Variants in CNTNAP5 observed in about 807,000 individuals in gnomAD.
CNTNAP5 encodes contactin associated protein family member 5, also known as contactin-associated protein-like 5.
A neutral mutation model predicts 150.2 loss-of-function variants in CNTNAP5; 72 were observed. That is an observed-to-expected ratio of 0.48 (90% confidence interval 0.40 to 0.58). CNTNAP5 has a LOEUF of 0.58. Ranked by LOEUF, CNTNAP5 falls within the 20% of genes least tolerant of loss-of-function variation. The probability of loss-of-function intolerance (pLI) is 0.00; values close to 1 mark genes in which losing one functional copy is unlikely to be tolerated. For missense variants in CNTNAP5, 1,636 were observed against 1,626.2 expected, an observed-to-expected ratio of 1.01 and a Z score of -0.10; for synonymous variants, 672 against 619.8, an observed-to-expected ratio of 1.08 and a Z score of -1.25.
intron 1 of CNTNAP5, among the ~76,000 whole-genome samples, chr2:124,067,515 A>G (rs1682190829): frequency 6.6e-6 from 1 of 152,158 alleles, no homozygotes. Context: ...TTAGATCCCC[A>G]CAGATAACCC....
At chr2:124,471,248 AGGGGTTTG>A (rs914783962) in intron 6 of CNTNAP5, among the ~76,000 whole-genome samples, 1 of 152,122 alleles carries the variant, frequency 6.6e-6, no homozygotes, top group Non-Finnish European at 1.5e-5. Flanking sequence ...CTATTTGAGC[AGGGGTTTG>A]TAGTTCTCCT....
At chr2:124,060,708 C>G (rs574082377) in intron 1 of CNTNAP5, among the ~76,000 whole-genome samples, 1 of 152,252 alleles carries the variant, frequency 6.6e-6, no homozygotes, top group East Asian at 1.9e-4. Context: ...TTACAGAAGA[C>G]AAAATCCATA....
chr2:124,133,923 G>A (rs540286522), intron 1 of CNTNAP5, among the ~76,000 whole-genome samples: 1 of 152,312 alleles, frequency 6.6e-6, no homozygotes, highest in East Asian at 1.9e-4. Flanking sequence ...AACAACACCT[G>A]CATCTGTTAA....
At chr2:124,284,166 C>T (rs1442397705) in intron 3 of CNTNAP5, among the ~76,000 whole-genome samples, 1 of 152,110 alleles carries the variant, frequency 6.6e-6, no homozygotes, top group East Asian at 1.9e-4. Flanking sequence ...AGCTCTTGCC[C>T]TTCAGAAGCT....
chr2:124,165,534 G>A (rs572011374), intron 1 of CNTNAP5, among the ~76,000 whole-genome samples: 11 of 152,046 alleles, frequency 7.2e-5, no homozygotes, highest in South Asian at 2.1e-4. Flanking sequence ...TGCCTGGCAC[G>A]CACTTTATGT....
At chr2:124,911,653 T>A in intron 23 of CNTNAP5, 115 bp downstream of exon 23, 1 of 778,992 alleles carries the variant, frequency 1.3e-6, no homozygotes, top group Non-Finnish European at 2.2e-6. Context: ...CCCCCTACAT[T>A]ACCTGCAAGA....
At chr2:124,896,116 A>G (rs1558817312) in intron 21 of CNTNAP5, among the ~76,000 whole-genome samples, 1 of 151,578 alleles carries the variant, frequency 6.6e-6, no homozygotes, top group South Asian at 2.1e-4. Context: ...TTCCCTGTGC[A>G]CTCCTGGCAA....
At position 124,732,956 on chromosome 2, in the gene CNTNAP5, G is replaced by A. The variant is rs539332423; in HGVS notation, c.2078-14273G>A. 2.6e-5 allele frequency among the ~76,000 whole-genome samples: 4 copies of A among 152,248 alleles called. No homozygotes were observed. The South Asian group carries it at 8.3e-4, about 32-fold the overall frequency. ...ACAACAGTGGATTAGTTGTTGTCTT[G>A]ATAAATGAAACAGTGACTTGGAGGT... is the stretch of plus-strand genomic sequence containing the variant. On this transcript the variant is annotated intron_variant, in intron 13 of 23. Coordinates refer to ENST00000682447, the MANE Select transcript of CNTNAP5 (RefSeq NM_001367498.1).
intron 1 of CNTNAP5, among the ~76,000 whole-genome samples, chr2:124,206,526 T>A (rs375390213): frequency 1.3e-5 from 2 of 152,296 alleles, no homozygotes; most frequent in African/African-American, 4.8e-5. Flanking sequence ...TTGTGTGCTA[T>A]CACAAGGGTT....
chr2:124,630,663 C>G (rs1048429179), intron 12 of CNTNAP5, among the ~76,000 whole-genome samples: 1 of 152,148 alleles, frequency 6.6e-6, no homozygotes. Context: ...AAAACTGGCA[C>G]AAGACAAGGA....
At chr2:124,444,059 A>G (rs1692742574) in intron 5 of CNTNAP5, among the ~76,000 whole-genome samples, 1 of 152,018 alleles carries the variant, frequency 6.6e-6, no homozygotes, top group African/African-American at 2.4e-5. Context: ...TTAGCTCCTG[A>G]GTCATTTCAT....
chr2:124,088,747 C>G (rs960134248), intron 1 of CNTNAP5, among the ~76,000 whole-genome samples: 3 of 152,094 alleles, frequency 2.0e-5, no homozygotes, highest in African/African-American at 7.2e-5. Context: ...GGAGTCTGCC[C>G]TGGAACTGTC....
chr2:124,513,624 T>C (rs1694642661), intron 8 of CNTNAP5, among the ~76,000 whole-genome samples: 1 of 152,176 alleles, frequency 6.6e-6, no homozygotes, highest in Admixed American at 6.5e-5. Context: ...TTCTGAAAGA[T>C]AGAATTTTAA....
At chr2:124,068,327 T>C (rs550244993) in intron 1 of CNTNAP5, among the ~76,000 whole-genome samples, 13 of 152,232 alleles carry the variant, frequency 8.5e-5, no homozygotes, top group Middle Eastern at 3.4e-3. Context: ...TTGAACTCAG[T>C]GCTGCCTTGT....
chr2:124,631,901 A>G (rs927574388), intron 12 of CNTNAP5, among the ~76,000 whole-genome samples: 1 of 152,218 alleles, frequency 6.6e-6, no homozygotes, highest in African/African-American at 2.4e-5. Flanking sequence ...AAAAGTGGGC[A>G]AAGGATATTA....
At chr2:124,616,175 T>C (rs1677490174) in intron 12 of CNTNAP5, among the ~76,000 whole-genome samples, 1 of 152,128 alleles carries the variant, frequency 6.6e-6, no homozygotes, top group African/African-American at 2.4e-5. Context: ...CTTGGAAGCT[T>C]TAAAGATAGG....
At chr2:124,904,318 T>G (rs1367621580) in intron 22 of CNTNAP5, among the ~76,000 whole-genome samples, 1 of 152,170 alleles carries the variant, frequency 6.6e-6, no homozygotes, top group Non-Finnish European at 1.5e-5. Flanking sequence ...TCTTTTTTAA[T>G]GCTGAAAATT....
chr2:124,249,180 C>T (rs1201718403), intron 3 of CNTNAP5, among the ~76,000 whole-genome samples: 1 of 152,108 alleles, frequency 6.6e-6, no homozygotes, highest in Non-Finnish European at 1.5e-5. Context: ...TATATCATGA[C>T]TTACTTTCCA....
rs564750218 is a variant in CNTNAP5, at chr2:124,537,342, C to T, written c.1649+9886C>T. 2.3e-4 allele frequency among the ~76,000 whole-genome samples: 35 copies of T among 152,246 alleles called. 1 individual carries two copies. Among genetic ancestry groups the T allele is most frequent in the African/African-American group, 8.4e-4 (35 of 41,550 alleles). On this transcript the variant is annotated intron_variant, in intron 10 of 23. Coordinates refer to ENST00000682447, the MANE Select transcript of CNTNAP5 (RefSeq NM_001367498.1). Reference sequence around the variant, plus strand: ...ATGCATTTTTGTCTTGCATTAAAATCACAAAGGTGGTTGTATTAAAGCAGG... The same window carrying T: ...ATGCATTTTTGTCTTGCATTAAAATTACAAAGGTGGTTGTATTAAAGCAGG...
Sources: allele counts gnomAD v4.1 joint callset (sites outside exome capture counted in the v4.1 genomes callset), GRCh38; gene constraint gnomAD v4.1.1; transcripts MANE v1.5; gene names NCBI Gene and HGNC (gene_info 2026-07-23, HGNC 2026-07-21).